PAM: variants seen among roughly 807,000 people sequenced by gnomAD.
PAM encodes the protein peptidylglycine alpha-amidating monooxygenase, also known as peptidyl-glycine alpha-amidating monooxygenase.
A neutral mutation model predicts 122.1 loss-of-function variants in PAM; 72 were observed. The ratio of observed to expected loss-of-function variants is 0.59; its 90% CI spans 0.49 to 0.72. The LOEUF (loss-of-function observed/expected upper bound fraction) is 0.72, where lower values mean the gene tolerates loss of function less well. Ranked by LOEUF, PAM falls within the 30% of genes least tolerant of loss-of-function variation. The probability of loss-of-function intolerance (pLI) is 0.00; values close to 1 mark genes in which losing one functional copy is unlikely to be tolerated. For synonymous variants in PAM, 389 were observed against 404.4 expected (o/e 0.96, Z 0.46); for missense variants, 1,106 against 1,183.7 (o/e 0.93, Z 0.96).
At chr5:102,801,763 G>A (rs1273802137) in intron 1 of PAM, among the ~76,000 whole-genome samples, 2 of 150,050 alleles carry the variant, frequency 1.3e-5, no homozygotes, top group Non-Finnish European at 3.0e-5. Flanking sequence ...TGTATCCTAG[G>A]GAAAAGGTAT....
intron 22 of PAM, among the ~76,000 whole-genome samples, chr5:103,018,754 G>A (rs1274070607): frequency 6.6e-6 from 1 of 152,166 alleles, no homozygotes; most frequent in East Asian, 1.9e-4. Context: ...ATAGGAACAT[G>A]ATTCCTGAAC....
rs748433228 is a variant in PAM, at chr5:103,007,614, T to G, written c.2172T>G (p.His724Gln). ...DTKEFVREIK[H>Q]SSFGRNVFAI... ...AAGAATTTGTGAGAGAGATTAAGCA[T>G]TCATCATTTGGAAGAAATGTATTTG... The change falls in exon 20 of 26, where the codon CAT becomes CAG. Residue 724 changes from histidine to glutamine, a missense_variant. Coordinates refer to ENST00000438793, the MANE Select transcript of PAM (RefSeq NM_001177306.2). 15 of 1,613,310 alleles carry G rather than the reference T, an allele frequency of 9.3e-6. No homozygotes were observed. The highest frequency in any genetic ancestry group is 1.2e-5 in the Non-Finnish European group (14 of 1,179,298).
chr5:102,932,315 C>T (rs1202777517), intron 7 of PAM, among the ~76,000 whole-genome samples: 1 of 152,008 alleles, frequency 6.6e-6, no homozygotes, highest in Non-Finnish European at 1.5e-5. Context: ...TGGTGAAACC[C>T]TGTCTCTACT....
chr5:102,792,563 C>A (rs902449137), intron 1 of PAM, among the ~76,000 whole-genome samples: 1 of 152,126 alleles, frequency 6.6e-6, no homozygotes, highest in East Asian at 1.9e-4. Flanking sequence ...GCATGGTAAC[C>A]CATTTGCCAC....
At chr5:102,909,750 A>G (rs374553654) in intron 4 of PAM, among the ~76,000 whole-genome samples, 3 of 151,872 alleles carry the variant, frequency 2.0e-5, no homozygotes, top group African/African-American at 7.2e-5. Context: ...ACATGTAAAA[A>G]TACCCATGAT....
At chr5:102,921,470 C>T (rs928591929) in intron 5 of PAM, among the ~76,000 whole-genome samples, 5 of 152,080 alleles carry the variant, frequency 3.3e-5, no homozygotes, top group African/African-American at 4.8e-5. Context: ...TCAGTTCTCT[C>T]GCCCTTTTGT....
chr5:103,003,265 C>T, intron 17 of PAM, 116 bp downstream of exon 17: 1 of 554,010 alleles, frequency 1.8e-6, no homozygotes, highest in Non-Finnish European at 3.3e-6. Context: ...AAGCAGAAAA[C>T]TAACTGGGCC....
chr5:103,025,062 T>G (rs1397711949), intron 23 of PAM, 69 bp from the exon 24 acceptor site: 2 of 1,026,168 alleles, frequency 1.9e-6, no homozygotes, highest in Non-Finnish European at 3.0e-6. Context: ...TTTGACTGGG[T>G]AGGGGTGGGT....
At chr5:103,021,532 CTGAGTCCAAT>C (rs568232779) in intron 23 of PAM, among the ~76,000 whole-genome samples, 23 of 152,256 alleles carry the variant, frequency 1.5e-4, no homozygotes, top group African/African-American at 5.5e-4. Flanking sequence ...GTGCACACCA[CTGAGTCCAAT>C]TGGTCAGAAA....
At chr5:102,925,103 C>G (rs2151721373) in intron 6 of PAM, 61 bp downstream of exon 6, 2 of 858,362 alleles carry the variant, frequency 2.3e-6, no homozygotes, top group Middle Eastern at 2.2e-4. Context: ...TTCCAAAGTA[C>G]TTTTCATTAT....
chr5:102,847,746 T>G (rs980504374), intron 1 of PAM, among the ~76,000 whole-genome samples: 1 of 152,258 alleles, frequency 6.6e-6, no homozygotes, highest in South Asian at 2.1e-4. Flanking sequence ...CAAAATTTCC[T>G]AGGAAAACTT....
At chr5:102,873,771 C>G (rs1347143946) in intron 3 of PAM, 1 of 152,190 alleles carries the variant, frequency 6.6e-6, no homozygotes, top group Non-Finnish European at 1.5e-5. Context: ...AGTGGCCAGC[C>G]TCTAGAAAGA....
At chr5:103,011,299 A>G (rs1780528211) in intron 21 of PAM, among the ~76,000 whole-genome samples, 1 of 152,076 alleles carries the variant, frequency 6.6e-6, no homozygotes, top group African/African-American at 2.4e-5. Flanking sequence ...TTAAATCAGA[A>G]TGAATAACCA....
chr5:102,800,679 G>T (rs1247281704), intron 1 of PAM, among the ~76,000 whole-genome samples: 2 of 152,094 alleles, frequency 1.3e-5, no homozygotes, highest in Non-Finnish European at 2.9e-5. Flanking sequence ...GGAGGGAGGG[G>T]GCTACGCTGA....
intron 1 of PAM, among the ~76,000 whole-genome samples, chr5:102,774,255 T>G (rs1756564288): frequency 6.6e-6 from 1 of 152,126 alleles, no homozygotes; most frequent in Admixed American, 6.6e-5. Context: ...GATCAAATGG[T>G]AGTTCTGCTT....
intron 4 of PAM, among the ~76,000 whole-genome samples, chr5:102,907,187 G>T (rs931831891): frequency 6.6e-6 from 1 of 151,686 alleles, no homozygotes; most frequent in Non-Finnish European, 1.5e-5. Context: ...GTACATCATT[G>T]TCCATACTAG....
rs148799430 is a variant in PAM at position 102,805,677 on chromosome 5, C to G, written c.-374+50329C>G. 1.3e-3 allele frequency among the ~76,000 whole-genome samples: 194 copies of G among 152,196 alleles called. 1 individual carries two copies. The highest frequency in any genetic ancestry group is 4.5e-3 in the African/African-American group (186 of 41,514). Reference sequence around the variant, plus strand: ...AAGAGGTAATTTTGTTGGAAGTTATCAATTCAAGAAATAGTTTATGATCTC... The same window carrying G: ...AAGAGGTAATTTTGTTGGAAGTTATGAATTCAAGAAATAGTTTATGATCTC... On this transcript the variant is annotated intron_variant, in intron 1 of 25. Coordinates refer to ENST00000438793, the MANE Select transcript of PAM (RefSeq NM_001177306.2).
chr5:102,882,100 TATATATATATAC>T (rs1561747878), intron 3 of PAM, among the ~76,000 whole-genome samples: 1 of 80,650 alleles, frequency 1.2e-5, no homozygotes, highest in Admixed American at 1.4e-4. Flanking sequence ...TATATATATA[TATATATATATAC>T]ACCACATTTT....
chr5:102,934,570 C>T (rs1486020323), intron 7 of PAM, among the ~76,000 whole-genome samples: 2 of 152,122 alleles, frequency 1.3e-5, no homozygotes, highest in African/African-American at 4.8e-5. Context: ...TCCCTGACTC[C>T]CATTTCCAAT....
Sources: allele counts gnomAD v4.1 joint callset (sites outside exome capture counted in the v4.1 genomes callset), GRCh38; gene constraint gnomAD v4.1.1; transcripts MANE v1.5; gene names NCBI Gene and HGNC (gene_info 2026-07-23, HGNC 2026-07-21).